CDKAL1: variants seen among roughly 807,000 people sequenced by gnomAD.
CDKAL1 encodes threonylcarbamoyladenosine tRNA methylthiotransferase.
Under a neutral mutation model 68.2 loss-of-function variants are expected in CDKAL1, and 32 were observed. The ratio of observed to expected loss-of-function variants is 0.47; its 90% CI spans 0.35 to 0.63. The LOEUF (loss-of-function observed/expected upper bound fraction) is 0.63, where lower values mean the gene tolerates loss of function less well. Ranked by LOEUF, CDKAL1 falls within the 30% of genes least tolerant of loss-of-function variation. The pLI, the probability that CDKAL1 is intolerant of heterozygous loss-of-function variation, is 0.00. For synonymous variants in CDKAL1, 234 were observed against 244.3 expected, an observed-to-expected ratio of 0.96 and a Z score of 0.39; for missense variants, 606 against 696.7, an observed-to-expected ratio of 0.87 and a Z score of 1.47.
intron 11 of CDKAL1, among the ~76,000 whole-genome samples, chr6:21,039,432 G>T (rs1467481321): frequency 6.6e-6 from 1 of 152,114 alleles, no homozygotes; most frequent in African/African-American, 2.4e-5. Context: ...ATTTCACTCA[G>T]CAATTAGTTT....
At chr6:20,764,664 A>C (rs770605174) in intron 7 of CDKAL1, among the ~76,000 whole-genome samples, 1 of 152,210 alleles carries the variant, frequency 6.6e-6, no homozygotes, top group Admixed American at 6.5e-5. Flanking sequence ...ACCACCTTAC[A>C]GAGCTCAATG....
chr6:20,935,818 C>G (rs1244659919), intron 9 of CDKAL1, among the ~76,000 whole-genome samples: 2 of 152,194 alleles, frequency 1.3e-5, no homozygotes, highest in African/African-American at 4.8e-5. Flanking sequence ...GATCCTCCCC[C>G]TTTGGCCTCC....
At chr6:20,839,989 GC>G (rs1581679343) in intron 8 of CDKAL1, among the ~76,000 whole-genome samples, 1 of 152,174 alleles carries the variant, frequency 6.6e-6, no homozygotes, top group East Asian at 1.9e-4. Context: ...AGATAAGCAT[GC>G]AACTAATCAT....
At chr6:20,978,452 A>G (rs909166691) in intron 10 of CDKAL1, among the ~76,000 whole-genome samples, 3 of 152,254 alleles carry the variant, frequency 2.0e-5, no homozygotes, top group African/African-American at 7.2e-5. Context: ...ATGAGACTGA[A>G]GGAGGCTATT....
chr6:21,075,450 G>T (rs1772020845), intron 12 of CDKAL1, among the ~76,000 whole-genome samples: 1 of 151,872 alleles, frequency 6.6e-6, no homozygotes, highest in Admixed American at 6.6e-5. Context: ...TGTATAGGGG[G>T]AGAGATGAAT....
At chr6:20,548,482 G>A (rs571560676) in intron 3 of CDKAL1, 111 bp from the exon 4 acceptor site, 4 of 668,518 alleles carry the variant, frequency 6.0e-6, no homozygotes, top group African/African-American at 5.6e-5. Flanking sequence ...GCAGTGAGCT[G>A]TGGTCACACA....
intron 13 of CDKAL1, among the ~76,000 whole-genome samples, chr6:21,192,600 A>C (rs1345402615): frequency 1.3e-5 from 2 of 152,324 alleles, no homozygotes; most frequent in East Asian, 3.9e-4. Flanking sequence ...AGATCTCTTA[A>C]AAGGCAAAGC....
chr6:21,020,897 G>A (rs974126689), intron 11 of CDKAL1, among the ~76,000 whole-genome samples: 2 of 150,062 alleles, frequency 1.3e-5, no homozygotes, highest in African/African-American at 4.9e-5. Flanking sequence ...AGATGTGTGT[G>A]TGTGTGCCAC....
At chr6:21,196,761 TG>T (rs1182588793) in intron 13 of CDKAL1, among the ~76,000 whole-genome samples, 1 of 152,118 alleles carries the variant, frequency 6.6e-6, no homozygotes, top group Non-Finnish European at 1.5e-5. Context: ...GGCTTTAATT[TG>T]GGGGGGTCAT....
intron 13 of CDKAL1, among the ~76,000 whole-genome samples, chr6:21,140,595 G>A (rs1775849497): frequency 6.6e-6 from 1 of 152,184 alleles, no homozygotes; most frequent in Non-Finnish European, 1.5e-5. Context: ...TGGAAATAGG[G>A]AGGGTTTGGT....
intron 5 of CDKAL1, among the ~76,000 whole-genome samples, chr6:20,682,526 G>T (rs975857267): frequency 3.9e-5 from 6 of 152,188 alleles, no homozygotes; most frequent in Non-Finnish European, 7.3e-5. Context: ...GGCAGGAGGA[G>T]ATGGGAGTGC....
intron 9 of CDKAL1, among the ~76,000 whole-genome samples, chr6:20,949,750 A>T (rs1400102168): frequency 2.6e-5 from 4 of 152,266 alleles, no homozygotes; most frequent in Middle Eastern, 3.4e-3. Context: ...GAGGCACAGG[A>T]GAAGAGCATG....
chr6:20,702,575 G>A (rs534571923), intron 5 of CDKAL1, among the ~76,000 whole-genome samples: 18 of 151,666 alleles, frequency 1.2e-4, no homozygotes, highest in Non-Finnish European at 7.4e-5. Flanking sequence ...TTGTCGTTCC[G>A]CCAGTCGATG....
chr6:20,673,761 G>A (rs191606504), intron 5 of CDKAL1, among the ~76,000 whole-genome samples: 16 of 152,198 alleles, frequency 1.1e-4, no homozygotes, highest in Non-Finnish European at 2.2e-4. Context: ...TTTTCCTGCC[G>A]TCATCCATTT....
At chr6:20,958,702 C>T (rs1160266358) in intron 10 of CDKAL1, among the ~76,000 whole-genome samples, 1 of 152,172 alleles carries the variant, frequency 6.6e-6, no homozygotes, top group African/African-American at 2.4e-5. Context: ...TACCCTGATG[C>T]TTTAAAACCT....
intron 13 of CDKAL1, among the ~76,000 whole-genome samples, chr6:21,154,625 A>T (rs771645262): frequency 1.3e-5 from 2 of 152,212 alleles, no homozygotes; most frequent in Admixed American, 6.5e-5. Context: ...TGAAATGGAA[A>T]TGTAAATTGC....
At chr6:20,785,675 A>G (rs1395595979) in intron 8 of CDKAL1, among the ~76,000 whole-genome samples, 1 of 152,104 alleles carries the variant, frequency 6.6e-6, no homozygotes, top group Non-Finnish European at 1.5e-5. Context: ...AAATGTTTTA[A>G]TATGATTATA....
At chr6:20,599,589 T>C (rs1028135006) in intron 4 of CDKAL1, among the ~76,000 whole-genome samples, 1 of 152,178 alleles carries the variant, frequency 6.6e-6, no homozygotes, top group African/African-American at 2.4e-5. Context: ...CTCATTTAGC[T>C]TTGTGTATTG....
intron 4 of CDKAL1, among the ~76,000 whole-genome samples, chr6:20,602,453 T>C (rs1232790337): frequency 6.6e-6 from 1 of 152,220 alleles, no homozygotes; most frequent in Non-Finnish European, 1.5e-5. Flanking sequence ...AAGTTTATTC[T>C]GGATAGTCTC....
Sources: gnomAD v4.1 joint callset for allele counts (sites outside exome capture counted in the v4.1 genomes callset) on GRCh38, gnomAD v4.1.1 for gene constraint, MANE v1.5 for transcripts, NCBI Gene and HGNC (gene_info 2026-07-23, HGNC 2026-07-21) for gene names.